The following CDH22 variants were observed in gnomAD, a reference collection of about 807,000 sequenced individuals.
CDH22 encodes the protein cadherin-22.
A neutral mutation model predicts 58.4 loss-of-function variants in CDH22; 30 were observed. The observed-to-expected ratio is 0.51, with a 90% CI of 0.38 to 0.70. The LOEUF (loss-of-function observed/expected upper bound fraction) is 0.70, where lower values mean the gene tolerates loss of function less well. Ranked by LOEUF, CDH22 falls within the 30% of genes least tolerant of loss-of-function variation. The probability of loss-of-function intolerance (pLI) is 0.00; values close to 1 mark genes in which losing one functional copy is unlikely to be tolerated. For missense variants in CDH22, 1,014 were observed against 1,233.9 expected (o/e 0.82, Z 2.67); for synonymous variants, 513 against 558.2 (o/e 0.92, Z 1.14).
chr20:46,236,626 T>C (rs2086254918), intron 3 of CDH22, among the ~76,000 whole-genome samples: 2 of 140,770 alleles, frequency 1.4e-5, no homozygotes, highest in South Asian at 4.3e-4. Flanking sequence ...TTAATATCTA[T>C]ATTTGTATAT....
intron 7 of CDH22, 59 bp from the exon 8 acceptor site, chr20:46,199,618 C>G: frequency 6.4e-7 from 1 of 1,573,670 alleles, no homozygotes; most frequent in East Asian, 2.3e-5. Context: ...GAGCCCATGT[C>G]CTTTTCTCCC....
At chr20:46,190,048 T>C (rs935183346) in intron 8 of CDH22, among the ~76,000 whole-genome samples, 1 of 152,174 alleles carries the variant, frequency 6.6e-6, no homozygotes, top group African/African-American at 2.4e-5. Context: ...TCCAGCCTGA[T>C]TGGCTTCCTC....
intron 3 of CDH22, among the ~76,000 whole-genome samples, chr20:46,234,827 C>T: frequency 6.6e-6 from 1 of 152,268 alleles, no homozygotes; most frequent in Admixed American, 6.5e-5. Flanking sequence ...CGAAACTGAT[C>T]TGCTACCACT....
chr20:46,308,432 A>G lies in CDH22; in HGVS notation c.-577T>C. 1 of 207,750 alleles carries G rather than the reference A, an allele frequency of 4.8e-6. No individual in the cohort carries two copies. Among genetic ancestry groups the G allele is most frequent in the Non-Finnish European group, 9.6e-6 (1 of 104,156 alleles). The allele number at this position is 207,750 out of a possible 1,614,324, so 12.9% of individuals were successfully genotyped here. A position where few individuals can be genotyped will look rare whatever the true frequency, so the allele number is the denominator to read the frequency against. On this transcript the variant is annotated 5_prime_UTR_variant, in exon 1 of 12. Transcript: ENST00000537909. This position sits in a 1 kb window ranked among gnomAD's most constrained non-coding sequence, Gnocchi z 4.3. ...GCGTGTGCGCGCGTGTGTGTGAGCG[A>G]GAGAGCGAGAGAGCGAGAGAGCGAG...
chr20:46,281,550 C>T (rs954366347), intron 1 of CDH22, among the ~76,000 whole-genome samples: 1 of 152,182 alleles, frequency 6.6e-6, no homozygotes, highest in Admixed American at 6.5e-5. Flanking sequence ...AGCGTTGACA[C>T]GGGTCTCAAG....
At chr20:46,277,985 T>A (rs918953433) in intron 1 of CDH22, among the ~76,000 whole-genome samples, 1 of 150,722 alleles carries the variant, frequency 6.6e-6, no homozygotes, top group African/African-American at 2.4e-5. Context: ...AAAGTGTAGA[T>A]CCAGGCAGAA....
intron 10 of CDH22, among the ~76,000 whole-genome samples, chr20:46,180,324 A>C (rs2145646537): frequency 6.6e-6 from 1 of 152,336 alleles, no homozygotes; most frequent in East Asian, 1.9e-4. Flanking sequence ...GAAGCAATTA[A>C]GGCAGAATCT....
intron 7 of CDH22, among the ~76,000 whole-genome samples, chr20:46,200,772 C>G (rs928183219): frequency 6.6e-6 from 1 of 152,154 alleles, no homozygotes; most frequent in African/African-American, 2.4e-5. Context: ...CAGAACACAC[C>G]GGCACAGCAC....
At chr20:46,282,526 G>A (rs1208504398) in intron 1 of CDH22, among the ~76,000 whole-genome samples, 4 of 152,192 alleles carry the variant, frequency 2.6e-5, no homozygotes, top group African/African-American at 9.7e-5. Flanking sequence ...TGACAGCCAA[G>A]TGTAAATAAA....
At position 46,308,160 on chromosome 20, in the gene CDH22, G is replaced by A. The variant is rs1207316746; in HGVS notation, c.-400+95C>T. 1 of 150,230 alleles carries A rather than the reference G, an allele frequency of 6.7e-6. No individual in the cohort carries two copies. Among genetic ancestry groups the A allele is most frequent in the Non-Finnish European group, 1.5e-5 (1 of 67,426 alleles). The allele number at this position is 150,230 out of a possible 1,614,324, so 9.3% of individuals were successfully genotyped here. A position where few individuals can be genotyped will look rare whatever the true frequency, so the allele number is the denominator to read the frequency against. On this transcript the variant is annotated intron_variant, in intron 1 of 11. Coordinates refer to ENST00000537909, the MANE Select transcript of CDH22 (RefSeq NM_021248.3). This position sits in a 1 kb window ranked among gnomAD's most constrained non-coding sequence, Gnocchi z 4.3. ...GGCTCGCCCCCCGCGCCGCCTGCCC[G>A]GCCGCTCCCGCCGGCCAGGGGGCTC...
intron 4 of CDH22, among the ~76,000 whole-genome samples, chr20:46,223,655 CTT>C (rs1275263758): frequency 3.5e-4 from 49 of 141,042 alleles, no homozygotes; most frequent in African/African-American, 1.3e-3. Flanking sequence ...CTTTCTCTTT[CTT>C]TTTCTTTCCT....
intron 3 of CDH22, among the ~76,000 whole-genome samples, chr20:46,238,766 A>G (rs564383194): frequency 6.6e-6 from 1 of 152,314 alleles, no homozygotes; most frequent in South Asian, 2.1e-4. Flanking sequence ...CACTGGTACC[A>G]TCTTGTTCCA....
At chr20:46,285,313 A>C (rs574381188) in intron 1 of CDH22, among the ~76,000 whole-genome samples, 1 of 151,812 alleles carries the variant, frequency 6.6e-6, no homozygotes, top group South Asian at 2.1e-4. Flanking sequence ...AGTCTCCCCC[A>C]CTCCCCCACC....
chr20:46,247,573 A>G (rs1568672600), intron 2 of CDH22, among the ~76,000 whole-genome samples: 2 of 152,182 alleles, frequency 1.3e-5, no homozygotes, highest in Non-Finnish European at 2.9e-5. Context: ...GAGGATGTGC[A>G]TAGGTTATCG....
chr20:46,176,129 C>T (rs1428630480), intron 11 of CDH22, among the ~76,000 whole-genome samples: 9 of 152,176 alleles, frequency 5.9e-5, no homozygotes, highest in East Asian at 1.9e-4. Flanking sequence ...GGTTTCTCCT[C>T]GCCTCTCTTA....
At chr20:46,282,016 G>C (rs1000441770) in intron 1 of CDH22, among the ~76,000 whole-genome samples, 3 of 152,260 alleles carry the variant, frequency 2.0e-5, no homozygotes, top group African/African-American at 7.2e-5. Flanking sequence ...CAGAGCAGGA[G>C]CTGGATCTAA....
Position 46,193,048 on chromosome 20 carries a change from AG to A in CDH22, c.1424-6102del, listed in dbSNP as rs1034202447. Among the ~76,000 whole-genome samples the A allele has an allele frequency of 5.3e-5, 8 of 151,864 alleles. No individual in the cohort carries two copies. The East Asian group carries it at 9.7e-4, about 19-fold the overall frequency. On this transcript the variant is annotated intron_variant, in intron 8 of 11. Coordinates refer to ENST00000537909, the MANE Select transcript of CDH22 (RefSeq NM_021248.3). ...GGGGGGACGTTTATTCCTCCAAGGAAGGGGTGGGGGAGGACTTCTGGGTGAA... is the reference window on the plus strand; with the variant it reads ...GGGGGGACGTTTATTCCTCCAAGGAAGGGTGGGGGAGGACTTCTGGGTGAA...
intron 8 of CDH22, among the ~76,000 whole-genome samples, chr20:46,197,451 G>A (rs2085914556): frequency 1.3e-5 from 2 of 152,180 alleles, no homozygotes; most frequent in African/African-American, 4.8e-5. Flanking sequence ...CTGGGTAGAA[G>A]CACAATGCTT....
intron 7 of CDH22, among the ~76,000 whole-genome samples, chr20:46,208,131 T>G (rs1449030005): frequency 6.6e-6 from 1 of 152,212 alleles, no homozygotes; most frequent in East Asian, 1.9e-4. Flanking sequence ...GGTTACTCAT[T>G]GAATAGGTAC....
Sources: gnomAD v4.1 joint callset for allele counts (sites outside exome capture counted in the v4.1 genomes callset) on GRCh38, gnomAD v4.1.1 for gene constraint, Gnocchi (gnomAD v3.1) non-coding constraint, MANE v1.5 for transcripts, NCBI Gene and HGNC (gene_info 2026-07-23, HGNC 2026-07-21) for gene names.